CNTNAP2: variants seen among roughly 807,000 people sequenced by gnomAD.
The protein encoded by CNTNAP2 is contactin associated protein 2, also known as contactin-associated protein-like 2.
A neutral mutation model predicts 155.2 loss-of-function variants in CNTNAP2; 98 were observed. That is an observed-to-expected ratio of 0.63 (90% CI 0.54 to 0.75). CNTNAP2 has a LOEUF of 0.75. Ranked by LOEUF, CNTNAP2 falls within the 30% of genes least tolerant of loss-of-function variation. The probability of loss-of-function intolerance (pLI) is 0.00; values close to 1 mark genes in which losing one functional copy is unlikely to be tolerated. For missense variants in CNTNAP2, 1,727 were observed against 1,688.1 expected, an observed-to-expected ratio of 1.02 and a Z score of -0.40; for synonymous variants, 651 against 631.2, an observed-to-expected ratio of 1.03 and a Z score of -0.47.
intron 18 of CNTNAP2, among the ~76,000 whole-genome samples, chr7:148,215,914 A>G (rs1336685686): frequency 1.3e-5 from 2 of 152,150 alleles, no homozygotes; most frequent in Non-Finnish European, 2.9e-5. Context: ...CCTATTAAAA[A>G]CTGTCCTCTC....
At chr7:146,558,590 T>C (rs1798232288) in intron 1 of CNTNAP2, among the ~76,000 whole-genome samples, 1 of 152,100 alleles carries the variant, frequency 6.6e-6, no homozygotes, top group Admixed American at 6.5e-5. Context: ...ATTATTATTA[T>C]GATTTTTTTG....
chr7:146,898,900 T>A (rs996855242), intron 3 of CNTNAP2, among the ~76,000 whole-genome samples: 2 of 152,108 alleles, frequency 1.3e-5, no homozygotes, highest in Non-Finnish European at 2.9e-5. Context: ...AAAATTGCTA[T>A]CTCTACCTTC....
At chr7:146,724,452 A>T (rs370020340) in intron 1 of CNTNAP2, among the ~76,000 whole-genome samples, 2 of 151,404 alleles carry the variant, frequency 1.3e-5, no homozygotes, top group Middle Eastern at 3.5e-3. Context: ...TGAAAGACAC[A>T]TCTTTGAAAA....
chr7:148,180,619 G>A (rs1795020555), intron 18 of CNTNAP2, among the ~76,000 whole-genome samples: 1 of 152,150 alleles, frequency 6.6e-6, no homozygotes, highest in African/African-American at 2.4e-5. Flanking sequence ...AGATGAGATG[G>A]TGGATTCCTT....
At chr7:148,150,547 CAG>C (rs1221222206) in intron 17 of CNTNAP2, among the ~76,000 whole-genome samples, 1 of 149,472 alleles carries the variant, frequency 6.7e-6, no homozygotes, top group African/African-American at 2.5e-5. Context: ...GACTCTGTCT[CAG>C]AAAAAAAAAA....
chr7:147,997,051 G>A (rs184481002), intron 15 of CNTNAP2, among the ~76,000 whole-genome samples: 3 of 152,262 alleles, frequency 2.0e-5, no homozygotes, highest in East Asian at 3.9e-4. Context: ...TGGAAGGCAC[G>A]ATCCATAAGC....
At chr7:147,946,026 C>T (rs896194938) in intron 14 of CNTNAP2, among the ~76,000 whole-genome samples, 15 of 151,914 alleles carry the variant, frequency 9.9e-5, no homozygotes, top group Non-Finnish European at 1.9e-4. Context: ...CGCCACCATG[C>T]TCGGCTGATT....
intron 15 of CNTNAP2, among the ~76,000 whole-genome samples, chr7:148,066,598 C>T (rs527527877): frequency 2.6e-5 from 4 of 151,958 alleles, no homozygotes; most frequent in South Asian, 2.1e-4. Flanking sequence ...CCTGGATTCA[C>T]GCCATTCTCC....
rs1359149006 is a variant in CNTNAP2 at position 148,338,570 on chromosome 7, T to G, written c.3476-45079T>G. Among the ~76,000 whole-genome samples, 7 of 148,214 alleles carry G rather than the reference T, an allele frequency of 4.7e-5. No individual in the cohort carries two copies. In the East Asian group the frequency reaches 1.4e-3, roughly 29 times the overall value. ...GGGGCGTGGGGGGGTGAGGGGGGGGTGAGTTACTGCTGATGAACCAGGAGG... is the reference window on the plus strand; with the variant it reads ...GGGGCGTGGGGGGGTGAGGGGGGGGGGAGTTACTGCTGATGAACCAGGAGG... On this transcript the variant is annotated intron_variant, in intron 21 of 23. Transcript: ENST00000361727.
intron 20 of CNTNAP2, among the ~76,000 whole-genome samples, chr7:148,257,732 G>A (rs1296753163): frequency 3.3e-5 from 5 of 152,074 alleles, no homozygotes; most frequent in South Asian, 2.1e-4. Context: ...ATGAAAATTC[G>A]GAGTCCCAGA....
intron 1 of CNTNAP2, among the ~76,000 whole-genome samples, chr7:146,665,695 C>T (rs529909408): frequency 8.8e-5 from 13 of 147,244 alleles, no homozygotes; most frequent in Admixed American, 4.8e-4. Flanking sequence ...ACAGGAGAAT[C>T]GCTTAAACCC....
chr7:147,856,980 T>A lies in CNTNAP2; in HGVS notation c.2099-46585T>A, dbSNP rs549297762. Reference sequence around the variant, plus strand: ...AAAGTTTGTCACAGCCAGACATAAATGTGATGAAAGGCAGGAAAGGGAGAG... The same window carrying A: ...AAAGTTTGTCACAGCCAGACATAAAAGTGATGAAAGGCAGGAAAGGGAGAG... On this transcript the variant is annotated intron_variant, in intron 13 of 23. Transcript: ENST00000361727. Among the ~76,000 whole-genome samples the A allele has an allele frequency of 2.3e-3, 350 of 152,190 alleles. 1 individual carries two copies. Among genetic ancestry groups the A allele is most frequent in the African/African-American group, 8.0e-3 (333 of 41,530 alleles).
chr7:147,438,025 T>A (rs998194959), intron 10 of CNTNAP2, among the ~76,000 whole-genome samples: 3 of 152,070 alleles, frequency 2.0e-5, no homozygotes, highest in African/African-American at 7.2e-5. Flanking sequence ...AGTCTTTAGG[T>A]TTTTCCAAAT....
intron 11 of CNTNAP2, among the ~76,000 whole-genome samples, chr7:147,499,158 G>A (rs763478375): frequency 6.6e-6 from 1 of 152,134 alleles, no homozygotes; most frequent in Non-Finnish European, 1.5e-5. Flanking sequence ...TTGGGAAGAT[G>A]AGCTTGTTAT....
intron 8 of CNTNAP2, among the ~76,000 whole-genome samples, chr7:147,297,807 T>G (rs763554399): frequency 6.6e-6 from 1 of 152,172 alleles, no homozygotes; most frequent in African/African-American, 2.4e-5. Context: ...AATGAAATAC[T>G]CTGTATTCAT....
chr7:147,273,770 T>C (rs1334280260), intron 8 of CNTNAP2, among the ~76,000 whole-genome samples: 2 of 147,186 alleles, frequency 1.4e-5, no homozygotes, highest in African/African-American at 2.5e-5. Context: ...ATTTTATACA[T>C]ATATATTTAT....
intron 1 of CNTNAP2, among the ~76,000 whole-genome samples, chr7:146,240,039 A>G (rs2116926258): frequency 6.6e-6 from 1 of 152,330 alleles, no homozygotes; most frequent in African/African-American, 2.4e-5. Flanking sequence ...ATCTTATATA[A>G]CCCATTTTAT....
rs558777605 is a variant in CNTNAP2 at position 148,336,774 on chromosome 7, A to G, written c.3476-46875A>G. 7.2e-5 allele frequency among the ~76,000 whole-genome samples: 11 copies of G among 152,366 alleles called. No individual in the cohort carries two copies. In the South Asian group the frequency reaches 2.3e-3, roughly 32 times the overall value. ...TTAAAATGTAATCATTCATGAAGAGATCAATCTTTCATATGTTTTCAAATA... is the reference window on the plus strand; with the variant it reads ...TTAAAATGTAATCATTCATGAAGAGGTCAATCTTTCATATGTTTTCAAATA... On this transcript the variant is annotated intron_variant, in intron 21 of 23. Transcript: ENST00000361727.
chr7:147,748,727 G>T (rs754234007), intron 13 of CNTNAP2, among the ~76,000 whole-genome samples: 1 of 152,186 alleles, frequency 6.6e-6, no homozygotes, highest in African/African-American at 2.4e-5. Context: ...AAAGGGCTCT[G>T]ATGGGCCCAT....
Sources: allele counts gnomAD v4.1 joint callset (sites outside exome capture counted in the v4.1 genomes callset), GRCh38; gene constraint gnomAD v4.1.1; transcripts MANE v1.5; gene names NCBI Gene and HGNC (gene_info 2026-07-23, HGNC 2026-07-21).